The following OGFOD1 variants were observed in gnomAD, a reference collection of about 807,000 sequenced individuals.
OGFOD1 encodes 2-oxoglutarate and iron dependent oxygenase domain containing 1.
OGFOD1 carries 54 observed loss-of-function variants against 67.7 expected under a neutral mutation model. The observed-to-expected ratio is 0.80, with a 90% confidence interval of 0.64 to 1.00. The LOEUF is 1.00. Ranked by LOEUF, OGFOD1 falls within the 50% of genes least tolerant of loss-of-function variation. The probability of loss-of-function intolerance (pLI) is 0.00; values close to 1 mark genes in which losing one functional copy is unlikely to be tolerated. For missense variants in OGFOD1, 606 were observed against 646.7 expected, an observed-to-expected ratio of 0.94 and a Z score of 0.68; for synonymous variants, 221 against 227.0, an observed-to-expected ratio of 0.97 and a Z score of 0.24.
Position 56,467,821 on chromosome 16 carries a change from G to GCAAA in OGFOD1, c.787-84_787-83insCAAA, listed in dbSNP as rs1962969156. The GCAAA allele has an allele frequency of 4.0e-6, 3 of 749,370 alleles. No homozygotes were observed. In the East Asian group the frequency reaches 7.5e-5, roughly 19 times the overall value. The allele number at this position is 749,370 out of a possible 1,614,324, so 46.4% of individuals were successfully genotyped here. A position where few individuals can be genotyped will look rare whatever the true frequency, so the allele number is the denominator to read the frequency against. ...AAACTTATAAAATGAGGATTTGCAT[G>GCAAA]TATTTTATTAGTGTGAAATGATGTA... On this transcript the variant is annotated intron_variant, in intron 7 of 12. Transcript: ENST00000566157.
Position 56,470,440 on chromosome 16 carries a change from T to C in OGFOD1, c.981-47T>C, listed in dbSNP as rs369092503. The C allele has an allele frequency of 2.0e-6, 3 of 1,519,666 alleles. No homozygotes were observed. In the African/African-American group the frequency reaches 4.2e-5, roughly 21 times the overall value. The allele number at this position is 1,519,666 out of a possible 1,614,324, so 94.1% of individuals were successfully genotyped here. On this transcript the variant is annotated intron_variant, in intron 9 of 12. Coordinates refer to ENST00000566157, the MANE Select transcript of OGFOD1 (RefSeq NM_018233.4). Reference sequence around the variant, plus strand: ...GATCAGCTTTTATTCTGTGAGTCATTTTACATCTGTGGCTTTGATGAACAA... The same window carrying C: ...GATCAGCTTTTATTCTGTGAGTCATCTTACATCTGTGGCTTTGATGAACAA...
intron 10 of OGFOD1, among the ~76,000 whole-genome samples, chr16:56,472,429 G>C (rs564637974): frequency 6.6e-6 from 1 of 152,302 alleles, no homozygotes; most frequent in African/African-American, 2.4e-5. Context: ...GAATACAAAA[G>C]TGAAAGAGAA....
chr16:56,453,199 A>T, intron 1 of OGFOD1, 64 bp from the exon 2 acceptor site: 1 of 1,520,528 alleles, frequency 6.6e-7, no homozygotes, highest in Admixed American at 2.0e-5. Context: ...TAGCTCTGCT[A>T]TGTTACTTGG....
At chr16:56,466,741 G>C in intron 5 of OGFOD1, 135 bp from the exon 6 acceptor site, 1 of 699,508 alleles carries the variant, frequency 1.4e-6, no homozygotes, top group Non-Finnish European at 2.6e-6. Context: ...GAGTGAAGCA[G>C]ATGGAAAGGG....
intron 10 of OGFOD1, among the ~76,000 whole-genome samples, chr16:56,473,498 A>G (rs1212995084): frequency 6.6e-6 from 1 of 152,218 alleles, no homozygotes; most frequent in Non-Finnish European, 1.5e-5. Flanking sequence ...AGACTGCTCA[A>G]AATTTTAAGG....
intron 10 of OGFOD1, among the ~76,000 whole-genome samples, chr16:56,473,841 C>G (rs767274768): frequency 6.6e-6 from 1 of 151,612 alleles, no homozygotes; most frequent in Non-Finnish European, 1.5e-5. Context: ...GACTCTCGCT[C>G]TGTCACCCAG....
In OGFOD1 at chr16:56,451,587, G is replaced by T. The variant is rs761870957; in HGVS notation, c.-26G>T. On this transcript the variant is annotated 5_prime_UTR_variant, in exon 1 of 13. Transcript: ENST00000566157. ...AGGAAGGTAGCGTCTTGATCTGCGT[G>T]GCGTGGTTCTGTGCCTTGGGAAGAG... The T allele has an allele frequency of 1.9e-6, 3 of 1,612,284 alleles. No individual in the cohort carries two copies. Among genetic ancestry groups the T allele is most frequent in the East Asian group, 2.2e-5 (1 of 44,878 alleles).
At position 56,465,838 on chromosome 16, in the gene OGFOD1, ACTGTCGGATG is replaced by A. The variant is rs1157455210; in HGVS notation, c.449-311_449-302del. On this transcript the variant is annotated intron_variant, in intron 4 of 12. Transcript: ENST00000566157. ...TTTAAAAAGCAGGCCACAAATAGAC[ACTGTCGGATG>A]CTATTTTTTTTAAAGTAAATACATA... 1.3e-5 allele frequency: 3 copies of A among 233,150 alleles called. No individual in the cohort carries two copies. The Admixed American group carries it at 1.5e-4, about 12-fold the overall frequency. 14.4% of individuals were successfully genotyped at this position (233,150 alleles called of 1,614,324 possible).
intron 2 of OGFOD1, among the ~76,000 whole-genome samples, chr16:56,455,322 G>A (rs1232997220): frequency 2.0e-5 from 3 of 150,852 alleles, no homozygotes; most frequent in East Asian, 1.9e-4. Flanking sequence ...AGCTGAGATC[G>A]CGCCACTGTA....
At chr16:56,468,090 C>A in intron 8 of OGFOD1, 72 bp downstream of exon 8, 1 of 747,128 alleles carries the variant, frequency 1.3e-6, no homozygotes. Flanking sequence ...GGTGAATAGG[C>A]ATCACTGGGG....
At chr16:56,469,419 TG>T (rs1963046405) in intron 8 of OGFOD1, among the ~76,000 whole-genome samples, 3 of 152,188 alleles carry the variant, frequency 2.0e-5, no homozygotes, top group Non-Finnish European at 4.4e-5. Flanking sequence ...TCTGGGAGGT[TG>T]AGCAGATTGA....
At position 56,474,874 on chromosome 16, in the gene OGFOD1, C is replaced by G. The variant is rs560342887; in HGVS notation, c.1332C>G (p.Thr444=). ...MCQGELRHWK[T]GHYTLIHDHS... ...AAGGGGAACTGAGGCATTGGAAGAC[C>G]GGTCACTACACTTTAATTCATGACC... Residue 444 remains threonine, a synonymous_variant, in exon 11 of 13, where the codon ACC becomes ACG. Coordinates refer to ENST00000566157, the MANE Select transcript of OGFOD1 (RefSeq NM_018233.4). 1.9e-6 allele frequency: 3 copies of G among 1,612,722 alleles called. No individual in the cohort carries two copies. The highest frequency in any genetic ancestry group is 2.5e-6 in the Non-Finnish European group (3 of 1,178,892).
chr16:56,456,977 C>T (rs1279060102), intron 2 of OGFOD1, among the ~76,000 whole-genome samples: 1 of 152,248 alleles, frequency 6.6e-6, no homozygotes, highest in Non-Finnish European at 1.5e-5. Flanking sequence ...TTCAAGCTAT[C>T]TGTGTCTCCC....
At chr16:56,466,795 G>A in intron 5 of OGFOD1, 81 bp from the exon 6 acceptor site, 2 of 1,040,442 alleles carry the variant, frequency 1.9e-6, no homozygotes, top group Non-Finnish European at 3.0e-6. Flanking sequence ...GCCCTCAGAA[G>A]TTTGGAAATT....
intron 6 of OGFOD1, 78 bp downstream of exon 6, chr16:56,467,045 T>G: frequency 6.5e-7 from 1 of 1,532,592 alleles, no homozygotes; most frequent in Non-Finnish European, 9.0e-7. Context: ...GACAGCTTCC[T>G]GTTAGACTTG....
At chr16:56,454,735 G>GT in intron 2 of OGFOD1, 1 of 425,172 alleles carries the variant, frequency 2.4e-6, no homozygotes, top group South Asian at 1.7e-5. Context: ...GGATAAGAGA[G>GT]TAAATAACGA....
chr16:56,466,995 A>C, intron 6 of OGFOD1, 28 bp downstream of exon 6: 1 of 1,560,402 alleles, frequency 6.4e-7, no homozygotes, highest in African/African-American at 1.4e-5. Context: ...CAAATAGAGT[A>C]GCAAGGATTA....
At chr16:56,467,572 G>A (rs1250348284) in intron 7 of OGFOD1, among the ~76,000 whole-genome samples, 1 of 151,694 alleles carries the variant, frequency 6.6e-6, no homozygotes, top group Admixed American at 6.6e-5. Context: ...GCTTACAGGT[G>A]CCCACCACCA....
chr16:56,478,768 A>C lies in OGFOD1; in HGVS notation c.*2563A>C, dbSNP rs773808469. The C allele has an allele frequency of 9.9e-5, 15 of 152,190 alleles. No homozygotes were observed. Among genetic ancestry groups the C allele is most frequent in the Non-Finnish European group, 1.9e-4 (13 of 68,028 alleles). 9.4% of individuals were successfully genotyped at this position (152,190 alleles called of 1,614,324 possible). A position where few individuals can be genotyped will look rare whatever the true frequency, so the allele number is the denominator to read the frequency against. On this transcript the variant is annotated 3_prime_UTR_variant, in exon 13 of 13. Coordinates refer to ENST00000566157, the MANE Select transcript of OGFOD1 (RefSeq NM_018233.4). ...GTGTGTTTATGATCTGTCAACACATAATCATCTTTTATACACTACAAAAAG... is the reference window on the plus strand; with the variant it reads ...GTGTGTTTATGATCTGTCAACACATCATCATCTTTTATACACTACAAAAAG...
Sources: allele counts gnomAD v4.1 joint callset (sites outside exome capture counted in the v4.1 genomes callset), GRCh38; gene constraint gnomAD v4.1.1; transcripts MANE v1.5; gene names NCBI Gene and HGNC (gene_info 2026-07-23, HGNC 2026-07-21).